The following SPOCK3 variants were observed in gnomAD, a reference collection of about 807,000 sequenced individuals.
The protein encoded by SPOCK3 is SPARC (osteonectin), cwcv and kazal like domains proteoglycan 3.
SPOCK3 carries 30 observed loss-of-function variants against 56.6 expected under a neutral mutation model. That is an observed-to-expected ratio of 0.53 (90% CI 0.40 to 0.72). SPOCK3 has a LOEUF of 0.72. SPOCK3 is among the 30% of genes least tolerant of loss of function. SPOCK3 has a pLI of 0.00. For synonymous variants in SPOCK3, 196 were observed against 183.3 expected (o/e 1.07, Z -0.56); for missense variants, 527 against 530.0 (o/e 0.99, Z 0.06).
intron 6 of SPOCK3, among the ~76,000 whole-genome samples, chr4:166,821,877 G>A (rs548523311): frequency 6.6e-6 from 1 of 151,932 alleles, no homozygotes; most frequent in Non-Finnish European, 1.5e-5. Context: ...TGAAACGAGT[G>A]AACTTTATGG....
chr4:166,883,864 A>G lies in SPOCK3; in HGVS notation c.589+5266T>C, dbSNP rs190132461. Among the ~76,000 whole-genome samples the G allele has an allele frequency of 3.4e-3, 517 of 152,350 alleles. 7 individuals carry two copies. Among genetic ancestry groups the G allele is most frequent in the South Asian group, 7.7e-3 (37 of 4,830 alleles). On this transcript the variant is annotated intron_variant, in intron 6 of 10. Transcript: ENST00000357545. ...AAAATTTAAATAATGTCACAAAATTATAACCGCTAAAACATAAAGGAATGG... is the reference window on the plus strand; with the variant it reads ...AAAATTTAAATAATGTCACAAAATTGTAACCGCTAAAACATAAAGGAATGG...
At chr4:166,765,278 T>C (rs1049122835) in intron 7 of SPOCK3, among the ~76,000 whole-genome samples, 1 of 152,228 alleles carries the variant, frequency 6.6e-6, no homozygotes, top group African/African-American at 2.4e-5. Context: ...ATGTCCTGAA[T>C]GGTATTGCCT....
At chr4:167,056,844 C>T (rs1580149446) in intron 3 of SPOCK3, among the ~76,000 whole-genome samples, 2 of 152,282 alleles carry the variant, frequency 1.3e-5, no homozygotes, top group South Asian at 4.1e-4. Context: ...AGAATAGAAC[C>T]AAGTTGGAAA....
At chr4:166,842,336 C>T (rs1276619909) in intron 6 of SPOCK3, among the ~76,000 whole-genome samples, 2 of 152,198 alleles carry the variant, frequency 1.3e-5, no homozygotes, top group South Asian at 2.1e-4. Context: ...CTGATTGGTC[C>T]ATTTTACAGA....
intron 2 of SPOCK3, among the ~76,000 whole-genome samples, chr4:167,081,205 C>T (rs1757673703): frequency 6.6e-6 from 1 of 151,858 alleles, no homozygotes; most frequent in Non-Finnish European, 1.5e-5. Flanking sequence ...GTGAAGGTCA[C>T]TGAAAAAATT....
chr4:166,929,386 T>C lies in SPOCK3; in HGVS notation c.351-16643A>G, dbSNP rs1387716298. ...CTGTCAAAGTGCTTCAGAAACTGAA[T>C]GTTTTGAATTTTTCCTTCTTGATTG... is the stretch of plus-strand genomic sequence containing the variant. On this transcript the variant is annotated intron_variant, in intron 4 of 10. Transcript: ENST00000357545. Among the ~76,000 whole-genome samples the C allele has an allele frequency of 3.3e-5, 5 of 152,314 alleles. No homozygotes were observed. The East Asian group carries it at 9.7e-4, about 29-fold the overall frequency.
intron 5 of SPOCK3, among the ~76,000 whole-genome samples, chr4:166,905,303 G>A (rs2127071367): frequency 6.6e-6 from 1 of 151,792 alleles, no homozygotes; most frequent in Middle Eastern, 3.4e-3. Flanking sequence ...TTAGATAAAT[G>A]CATTCCTTAT....
At chr4:166,979,810 C>T (rs1029843581) in intron 4 of SPOCK3, among the ~76,000 whole-genome samples, 21 of 152,204 alleles carry the variant, frequency 1.4e-4, no homozygotes, top group African/African-American at 5.1e-4. Context: ...GTGTTGAAAT[C>T]TATCTCCAAG....
chr4:167,181,045 C>G (rs1394457741), intron 2 of SPOCK3, among the ~76,000 whole-genome samples: 1 of 152,160 alleles, frequency 6.6e-6, no homozygotes, highest in African/African-American at 2.4e-5. Context: ...TCAGCTAGAT[C>G]CACTGCTTTA....
chr4:166,872,426 C>A (rs182871052), intron 6 of SPOCK3, among the ~76,000 whole-genome samples: 2 of 151,952 alleles, frequency 1.3e-5, no homozygotes, highest in Admixed American at 6.6e-5. Flanking sequence ...AAACTCAAGA[C>A]GGAAAAACAA....
intron 2 of SPOCK3, among the ~76,000 whole-genome samples, chr4:167,176,345 G>T (rs1730980975): frequency 6.6e-6 from 1 of 152,048 alleles, no homozygotes; most frequent in African/African-American, 2.4e-5. Context: ...CAGATATATT[G>T]AGTGATTAGC....
intron 3 of SPOCK3, among the ~76,000 whole-genome samples, chr4:167,049,449 C>T (rs1004999522): frequency 2.6e-5 from 4 of 152,080 alleles, no homozygotes; most frequent in South Asian, 2.1e-4. Context: ...ACACTAGACT[C>T]GCTGGTGTCT....
Position 167,066,724 on chromosome 4 carries a change from C to T in SPOCK3, c.190-4187G>A, listed in dbSNP as rs144379078. Among the ~76,000 whole-genome samples, 253 of 151,878 alleles carry T rather than the reference C, an allele frequency of 1.7e-3. 2 individuals are homozygous for T. The highest frequency in any genetic ancestry group is 5.5e-3 in the African/African-American group (230 of 41,466). On this transcript the variant is annotated intron_variant, in intron 2 of 10. Transcript: ENST00000357545. ...GTCCATGCTCTATGCCTTTATATTA[C>T]TTATCATATTTAGCTATAATAAATA...
At chr4:166,742,238 T>TATCTATCC (rs1291238414) in intron 8 of SPOCK3, among the ~76,000 whole-genome samples, 179 bp from the exon 9 acceptor site, 1 of 67,766 alleles carries the variant, frequency 1.5e-5, no homozygotes, top group African/African-American at 9.6e-5. Flanking sequence ...ATCTATCATC[T>TATCTATCC]ATCTATCTAT....
At chr4:167,196,111 C>T (rs1251800917) in intron 2 of SPOCK3, among the ~76,000 whole-genome samples, 1 of 152,098 alleles carries the variant, frequency 6.6e-6, no homozygotes, top group Non-Finnish European at 1.5e-5. Context: ...TCTGTGTATA[C>T]TCAGAATGCT....
chr4:166,937,853 T>G (rs1740612866), intron 4 of SPOCK3, among the ~76,000 whole-genome samples: 1 of 149,246 alleles, frequency 6.7e-6, no homozygotes, highest in Admixed American at 6.8e-5. Flanking sequence ...AAGCTCCGCC[T>G]CCCGGGTTCA....
At chr4:167,218,017 T>G (rs1038432740) in intron 2 of SPOCK3, among the ~76,000 whole-genome samples, 1 of 152,088 alleles carries the variant, frequency 6.6e-6, no homozygotes, top group Non-Finnish European at 1.5e-5. Context: ...AGGTGAAAAT[T>G]AAGTTATGAA....
chr4:166,904,219 A>G (rs1033329117), intron 5 of SPOCK3, among the ~76,000 whole-genome samples: 1 of 151,914 alleles, frequency 6.6e-6, no homozygotes, highest in Non-Finnish European at 1.5e-5. Flanking sequence ...TTATGTTTAA[A>G]ATGGGAACAA....
chr4:166,911,916 T>A (rs1420060572), intron 5 of SPOCK3, among the ~76,000 whole-genome samples: 1 of 152,150 alleles, frequency 6.6e-6, no homozygotes, highest in Non-Finnish European at 1.5e-5. Context: ...ATATATTTTT[T>A]AAATCTAAAT....
Sources: gnomAD v4.1 joint callset for allele counts (sites outside exome capture counted in the v4.1 genomes callset) on GRCh38, gnomAD v4.1.1 for gene constraint, MANE v1.5 for transcripts, NCBI Gene and HGNC (gene_info 2026-07-23, HGNC 2026-07-21) for gene names.